CADM1: variants seen among roughly 807,000 people sequenced by gnomAD.
The protein encoded by CADM1 is TSLC-1.
CADM1 carries 15 observed loss-of-function variants against 53.1 expected under a neutral mutation model. The observed-to-expected ratio is 0.28, with a 90% CI of 0.19 to 0.44. The LOEUF is 0.44. Among genes scored for constraint, CADM1 ranks in the 20% least tolerant of loss-of-function variants. The probability of loss-of-function intolerance (pLI) is 1.00; values close to 1 mark genes in which losing one functional copy is unlikely to be tolerated. For missense variants in CADM1, 434 were observed against 611.3 expected, an observed-to-expected ratio of 0.71 and a Z score of 3.06; for synonymous variants, 281 against 243.0, an observed-to-expected ratio of 1.16 and a Z score of -1.45.
At chr11:115,375,310 G>T (rs1946411110) in intron 1 of CADM1, among the ~76,000 whole-genome samples, 1 of 152,110 alleles carries the variant, frequency 6.6e-6, no homozygotes, top group African/African-American at 2.4e-5. Context: ...TAGAACTATG[G>T]CATTATAGTT....
intron 8 of CADM1, among the ~76,000 whole-genome samples, chr11:115,200,700 G>A (rs990010008): frequency 6.6e-6 from 1 of 152,184 alleles, no homozygotes; most frequent in Non-Finnish European, 1.5e-5. Flanking sequence ...TCCCCATGTT[G>A]GTCAGGCTGG....
At chr11:115,435,105 C>G (rs1239453030) in intron 1 of CADM1, among the ~76,000 whole-genome samples, 1 of 151,866 alleles carries the variant, frequency 6.6e-6, no homozygotes, top group African/African-American at 2.4e-5. Flanking sequence ...AGGTGATCCG[C>G]CCACCTCGGC....
intron 1 of CADM1, among the ~76,000 whole-genome samples, chr11:115,375,997 T>C (rs1044446341): frequency 6.6e-6 from 1 of 152,164 alleles, no homozygotes; most frequent in Non-Finnish European, 1.5e-5. Flanking sequence ...AAATAATAAA[T>C]AAATTAGAAG....
chr11:115,193,671 C>T (rs1049172373), intron 9 of CADM1, among the ~76,000 whole-genome samples: 2 of 151,912 alleles, frequency 1.3e-5, no homozygotes, highest in African/African-American at 2.4e-5. Context: ...AGGTCAAATA[C>T]GATTTAAATG....
intron 1 of CADM1, among the ~76,000 whole-genome samples, chr11:115,379,124 T>C (rs1321491895): frequency 6.6e-6 from 1 of 152,230 alleles, no homozygotes; most frequent in African/African-American, 2.4e-5. Flanking sequence ...ATGCAATGTA[T>C]AATATTCTAA....
intron 1 of CADM1, among the ~76,000 whole-genome samples, chr11:115,349,958 T>C (rs1945682631): frequency 6.6e-6 from 1 of 152,142 alleles, no homozygotes; most frequent in African/African-American, 2.4e-5. Context: ...TTACCATCTT[T>C]TTCTTTGTTT....
intron 6 of CADM1, 144 bp downstream of exon 6, chr11:115,217,748 A>C: frequency 1.4e-6 from 1 of 705,582 alleles, no homozygotes. Context: ...TTCCACTCTC[A>C]CTGAATATTC....
At chr11:115,480,630 C>T (rs191676113) in intron 1 of CADM1, among the ~76,000 whole-genome samples, 1 of 152,276 alleles carries the variant, frequency 6.6e-6, no homozygotes, top group African/African-American at 2.4e-5. Context: ...AATCAGCACA[C>T]AAGGGGCCTT....
chr11:115,239,288 G>A lies in CADM1; in HGVS notation c.272-636C>T, dbSNP rs576330519. ...TTGGATGCACCTTAACATATTTGAC[G>A]TGATTTGAGGTGGAGCTGCCAAAAG... On this transcript the variant is annotated intron_variant, in intron 2 of 11. Transcript: ENST00000331581. Among the ~76,000 whole-genome samples, 74 of 152,220 alleles carry A rather than the reference G, an allele frequency of 4.9e-4. 1 individual carries two copies. Among genetic ancestry groups the A allele is most frequent in the African/African-American group, 1.4e-3 (58 of 41,546 alleles).
At chr11:115,373,949 T>C (rs1457324747) in intron 1 of CADM1, among the ~76,000 whole-genome samples, 3 of 152,228 alleles carry the variant, frequency 2.0e-5, no homozygotes, top group Non-Finnish European at 2.9e-5. Flanking sequence ...AGAGTCAAAA[T>C]GGAGTCCTTA....
At chr11:115,202,525 A>C (rs539239202) in intron 8 of CADM1, among the ~76,000 whole-genome samples, 3 of 152,330 alleles carry the variant, frequency 2.0e-5, no homozygotes, top group South Asian at 4.1e-4. Context: ...TAAGGTGTAC[A>C]TTAAAAAAAT....
At chr11:115,289,838 G>A (rs1404932835) in intron 1 of CADM1, among the ~76,000 whole-genome samples, 6 of 151,866 alleles carry the variant, frequency 4.0e-5, no homozygotes, top group South Asian at 2.1e-4. Flanking sequence ...CTCGTGATCC[G>A]CCCGCCTCGG....
chr11:115,296,267 A>T (rs1222006006), intron 1 of CADM1, among the ~76,000 whole-genome samples: 1 of 152,130 alleles, frequency 6.6e-6, no homozygotes, highest in Admixed American at 6.5e-5. Flanking sequence ...GACATTTTCT[A>T]TTAGCCCCAC....
At chr11:115,294,647 G>C (rs1475465889) in intron 1 of CADM1, among the ~76,000 whole-genome samples, 1 of 152,138 alleles carries the variant, frequency 6.6e-6, no homozygotes, top group Non-Finnish European at 1.5e-5. Flanking sequence ...AAAATAGAGA[G>C]GGAAGCCTCA....
At chr11:115,461,205 G>T (rs1045381651) in intron 1 of CADM1, among the ~76,000 whole-genome samples, 17 of 152,162 alleles carry the variant, frequency 1.1e-4, no homozygotes, top group African/African-American at 3.4e-4. Context: ...TTAGTAGGGT[G>T]ATTTAAAACT....
At position 115,241,985 on chromosome 11, in the gene CADM1, C is replaced by G. The variant is rs1432053836; in HGVS notation, c.125-1565G>C. 4.2e-5 allele frequency among the ~76,000 whole-genome samples: 6 copies of G among 143,056 alleles called. No individual in the cohort carries two copies. The East Asian group carries it at 1.2e-3, about 29-fold the overall frequency. The allele number at this position is 143,056 out of a possible 152,430, so 93.9% of individuals were successfully genotyped here. On this transcript the variant is annotated intron_variant, in intron 1 of 11. Coordinates refer to ENST00000331581, the MANE Select transcript of CADM1 (RefSeq NM_001301043.2). ...GAAGGATCCTTTTTTTTTTTTTTTC[C>G]TTTGCTAGGACACACTGGGAAAGTG... is the stretch of plus-strand genomic sequence containing the variant.
chr11:115,192,770 G>A (rs942211730), intron 9 of CADM1, among the ~76,000 whole-genome samples: 1 of 152,106 alleles, frequency 6.6e-6, no homozygotes, highest in African/African-American at 2.4e-5. Flanking sequence ...AGACAAATAT[G>A]TTTATGAAAT....
chr11:115,239,977 T>A (rs1423185103), intron 2 of CADM1, among the ~76,000 whole-genome samples: 2 of 152,162 alleles, frequency 1.3e-5, no homozygotes, highest in African/African-American at 4.8e-5. Flanking sequence ...TTTCCTTGCC[T>A]TACCCTGTTG....
chr11:115,236,225 G>A (rs1475328306), intron 3 of CADM1, among the ~76,000 whole-genome samples: 1 of 152,166 alleles, frequency 6.6e-6, no homozygotes, highest in African/African-American at 2.4e-5. Context: ...TAGCAACGAA[G>A]ATGCTACTGT....
Sources: gnomAD v4.1 joint callset for allele counts (sites outside exome capture counted in the v4.1 genomes callset) on GRCh38, gnomAD v4.1.1 for gene constraint, MANE v1.5 for transcripts, NCBI Gene and HGNC (gene_info 2026-07-23, HGNC 2026-07-21) for gene names.